Variants in ANXA8 observed in about 807,000 individuals in gnomAD.
The protein encoded by ANXA8 is annexin A8, also known as VAC-beta.
A neutral mutation model predicts 26.8 loss-of-function variants in ANXA8; 9 were observed. The observed-to-expected ratio is 0.34, with a 90% CI of 0.20 to 0.59. The LOEUF is 0.59. Ranked by LOEUF, ANXA8 falls within the 20% of genes least tolerant of loss-of-function variation. The probability of loss-of-function intolerance (pLI) is 0.84; values close to 1 mark genes in which losing one functional copy is unlikely to be tolerated. For missense variants in ANXA8, 83 were observed against 238.5 expected, an observed-to-expected ratio of 0.35 and a Z score of 4.29; for synonymous variants, 39 against 94.8, an observed-to-expected ratio of 0.41 and a Z score of 3.42.
At chr10:47,637,344 T>C in the ANXA8 span, among the ~76,000 whole-genome samples, 1 of 148,952 alleles carries the variant, frequency 6.7e-6, no homozygotes, top group Non-Finnish European at 1.5e-5. Context: ...TATAAATGAA[T>C]TTCAAAGAAT....
chr10:47,563,570 C>T, the ANXA8 span: 6 of 781,130 alleles, frequency 7.7e-6, no homozygotes, highest in South Asian at 8.4e-5. Context: ...TCTTTCTCAC[C>T]CACCCCAACA....
the ANXA8 span, chr10:47,581,471 G>A: frequency 1.1e-5 from 6 of 553,276 alleles, no homozygotes; most frequent in Admixed American, 1.9e-5. Flanking sequence ...TGTCTCCAAA[G>A]GTGTTCATGG....
chr10:47,631,231 G>A, the ANXA8 span, among the ~76,000 whole-genome samples: 1 of 151,050 alleles, frequency 6.6e-6, no homozygotes, highest in Non-Finnish European at 1.5e-5. Flanking sequence ...GTACGAGAAA[G>A]GTAGAACATG....
chr10:47,705,401 A>C, the ANXA8 span, among the ~76,000 whole-genome samples: 14 of 130,768 alleles, frequency 1.1e-4, no homozygotes, highest in African/African-American at 4.0e-4. Flanking sequence ...AGATGTTGAT[A>C]GAATAGAAGG....
the ANXA8 span, among the ~76,000 whole-genome samples, chr10:47,688,246 C>A: frequency 6.8e-6 from 1 of 147,920 alleles, no homozygotes; most frequent in South Asian, 2.2e-4. Flanking sequence ...GGTGTTCCAC[C>A]ACTATGTCCA....
the ANXA8 span, among the ~76,000 whole-genome samples, chr10:47,673,546 C>A: frequency 6.7e-6 from 1 of 149,668 alleles, no homozygotes; most frequent in Non-Finnish European, 1.5e-5. Flanking sequence ...CAGGGCTGCA[C>A]GAGGGCACCT....
chr10:47,950,596 T>C, the ANXA8 span, among the ~76,000 whole-genome samples: 1 of 150,062 alleles, frequency 6.7e-6, no homozygotes, highest in South Asian at 2.1e-4. Context: ...AAAACAACTT[T>C]ATACATTTAA....
At chr10:47,946,979 C>T in the ANXA8 span, among the ~76,000 whole-genome samples, 3 of 150,418 alleles carry the variant, frequency 2.0e-5, 1 homozygote, top group Non-Finnish European at 4.4e-5. Context: ...GCATGAGCCA[C>T]CGAGCCTGGC....
the ANXA8 span, among the ~76,000 whole-genome samples, chr10:47,631,580 C>T: frequency 2.0e-5 from 3 of 150,664 alleles, no homozygotes; most frequent in Admixed American, 6.6e-5. Context: ...GCCAAGGACC[C>T]AGGTATCAGC....
At chr10:47,957,239 T>C in the ANXA8 span, among the ~76,000 whole-genome samples, 1 of 150,380 alleles carries the variant, frequency 6.6e-6, no homozygotes, top group African/African-American at 2.5e-5. Flanking sequence ...GCTGTGAGCC[T>C]GAGGATGGAC....
At chr10:47,683,935 AT>A in the ANXA8 span, among the ~76,000 whole-genome samples, 2 of 151,476 alleles carry the variant, frequency 1.3e-5, no homozygotes, top group South Asian at 2.1e-4. Context: ...TGTAATAAGC[AT>A]TTTTTTTTAG....
At chr10:47,594,188 T>C in the ANXA8 span, among the ~76,000 whole-genome samples, 1 of 150,856 alleles carries the variant, frequency 6.6e-6, no homozygotes, top group Non-Finnish European at 1.5e-5. Context: ...ATCGTGTGAG[T>C]CAATGATCCT....
the ANXA8 span, chr10:47,567,837 C>A: frequency 1.7e-5 from 5 of 289,378 alleles, 1 homozygote; most frequent in African/African-American, 2.7e-5. Context: ...ATTTCTTGAA[C>A]TTTCAGAAAT....
chr10:47,555,820 G>A, the ANXA8 span, among the ~76,000 whole-genome samples: 1 of 152,088 alleles, frequency 6.6e-6, no homozygotes, highest in Non-Finnish European at 1.5e-5. Flanking sequence ...CACACATTTG[G>A]TTTCAGAAGT....
At chr10:47,945,340 C>A in the ANXA8 span, among the ~76,000 whole-genome samples, 2 of 150,522 alleles carry the variant, frequency 1.3e-5, no homozygotes, top group East Asian at 2.1e-4. Context: ...CAGGAGGCAG[C>A]AGGTGACTCG....
rs1305668391 is a variant in ANXA8 at position 47,482,029 on chromosome 10, G to C, written c.21+1884C>G. Among the ~76,000 whole-genome samples, 44 of 142,548 alleles carry C rather than the reference G, an allele frequency of 3.1e-4. 1 individual carries two copies. The highest frequency in any genetic ancestry group is 4.1e-4 in the Non-Finnish European group (27 of 65,180). 93.5% of individuals were successfully genotyped at this position (142,548 alleles called of 152,430 possible). A position where few individuals can be genotyped will look rare whatever the true frequency, so the allele number is the denominator to read the frequency against. On this transcript the variant is annotated intron_variant, in intron 1 of 11. Coordinates refer to ENST00000585281, the MANE Select transcript of ANXA8 (RefSeq NM_001040084.3). ...GGGAGATGGGTTTGTCTCTATGAGAGACACAGAGGAAAAGGCAACACCAAA... is the reference window on the plus strand; with the variant it reads ...GGGAGATGGGTTTGTCTCTATGAGACACACAGAGGAAAAGGCAACACCAAA...
At chr10:47,597,586 A>C in the ANXA8 span, among the ~76,000 whole-genome samples, 22 of 145,448 alleles carry the variant, frequency 1.5e-4, no homozygotes, top group African/African-American at 3.3e-4. Flanking sequence ...AATATACAAA[A>C]AGCAGTAGTA....
At chr10:47,484,835 C>A, upstream of ANXA8, 1 of 474,612 alleles carries the variant, frequency 2.1e-6, no homozygotes, top group Non-Finnish European at 3.7e-6. Context: ...TCTGTAGCTT[C>A]TCTGAACCCC....
chr10:47,681,435 G>A, the ANXA8 span, among the ~76,000 whole-genome samples: 2 of 150,296 alleles, frequency 1.3e-5, no homozygotes, highest in East Asian at 3.9e-4. Context: ...GGAGATGAAA[G>A]CAAGCACAGG....
Sources: gnomAD v4.1 joint callset for allele counts (sites outside exome capture counted in the v4.1 genomes callset) on GRCh38, gnomAD v4.1.1 for gene constraint, MANE v1.5 for transcripts, NCBI Gene and HGNC (gene_info 2026-07-23, HGNC 2026-07-21) for gene names.